The following AMPD3 variants were observed in gnomAD, a reference collection of about 807,000 sequenced individuals.
AMPD3 encodes adenosine monophosphate deaminase 3, also known as AMP deaminase 3.
A neutral mutation model predicts 82.3 loss-of-function variants in AMPD3; 57 were observed. That is an observed-to-expected ratio of 0.69 (90% CI 0.56 to 0.86). The LOEUF is 0.86. Ranked by LOEUF, AMPD3 falls within the 40% of genes least tolerant of loss-of-function variation. The pLI is 0.00. For synonymous variants in AMPD3, 381 were observed against 394.7 expected (o/e 0.97, Z 0.41); for missense variants, 870 against 1,003.8 (o/e 0.87, Z 1.80).
chr11:10,476,937 G>T, intron 2 of AMPD3: 1 of 985,340 alleles, frequency 1.0e-6, no homozygotes, highest in Non-Finnish European at 1.2e-6. Context: ...AGGACCAGGG[G>T]CAAGGGGAAG....
intron 12 of AMPD3, chr11:10,502,496 C>T (rs1464822430): frequency 1.0e-6 from 1 of 985,424 alleles, no homozygotes; most frequent in Non-Finnish European, 1.2e-6. Context: ...TGGGTAGAGG[C>T]ACCAGGGAGG....
chr11:10,496,448 C>G (rs1045533956), intron 9 of AMPD3: 6 of 985,176 alleles, frequency 6.1e-6, no homozygotes, highest in African/African-American at 1.7e-5. Context: ...CCAGGATGGG[C>G]TGGGGTATGT....
chr11:10,496,686 C>T, intron 9 of AMPD3, 126 bp from the exon 10 acceptor site: 1 of 1,530,460 alleles, frequency 6.5e-7, no homozygotes, highest in Non-Finnish European at 8.9e-7. Flanking sequence ...TTTTCTGGTC[C>T]CATCTGACTT....
At chr11:10,487,142 C>T in intron 5 of AMPD3, 93 bp from the exon 6 acceptor site, 4 of 1,598,160 alleles carry the variant, frequency 2.5e-6, no homozygotes, top group Non-Finnish European at 3.4e-6. Flanking sequence ...CTGACCCTTC[C>T]AGCCAGGGTT....
At chr11:10,486,538 TC>T (rs1335527920) in intron 5 of AMPD3, 3 of 984,106 alleles carry the variant, frequency 3.0e-6, no homozygotes, top group Non-Finnish European at 3.6e-6. Flanking sequence ...TTGGTGGGAA[TC>T]TGGGGGCATC....
chr11:10,500,059 C>T lies in AMPD3; in HGVS notation c.1558-27C>T, dbSNP rs554462412. ...GGCTGAGTCCTGGTCCTGCCTTGGC[C>T]TGGTGCTCAGGACCTCTCCTGCCCA... On this transcript the variant is annotated intron_variant, in intron 10 of 14. Coordinates refer to ENST00000396553, the MANE Select transcript of AMPD3 (RefSeq NM_001025389.2). The T allele has an allele frequency of 1.5e-5, 25 of 1,614,138 alleles. No homozygotes were observed. In the South Asian group the frequency reaches 2.2e-4, roughly 14 times the overall value.
chr11:10,476,228 T>C (rs965532314), intron 2 of AMPD3, among the ~76,000 whole-genome samples: 1 of 152,212 alleles, frequency 6.6e-6, no homozygotes, highest in Non-Finnish European at 1.5e-5. Context: ...CTATCTGTGG[T>C]TAAACCTATC....
At chr11:10,478,414 C>G in intron 2 of AMPD3, 112 bp from the exon 3 acceptor site, 1 of 1,574,074 alleles carries the variant, frequency 6.4e-7, no homozygotes. Context: ...AGGGCCAGCA[C>G]CAGTGATTAA....
upstream of AMPD3, chr11:10,454,983 G>A (rs999908723): frequency 7.8e-5 from 20 of 254,954 alleles, no homozygotes; most frequent in Admixed American, 4.6e-4. Context: ...GCAGCAGCCC[G>A]AGGATCATGT....
At chr11:10,453,657 C>T (rs1192284039), upstream of AMPD3, among the ~76,000 whole-genome samples, 4 of 151,736 alleles carry the variant, frequency 2.6e-5, no homozygotes, top group East Asian at 7.7e-4. Flanking sequence ...GGTGCAATGT[C>T]AGCTCACTGC....
In AMPD3 at chr11:10,478,737, C is replaced by CA. The variant is rs1402299103; in HGVS notation, c.426+7_426+8insA. ...CGGAGATTACTGTGCCGGGGTAAGGCGTCTGTGAGAGTGTTGAATGTGCCT... is the reference window on the plus strand; with the variant it reads ...CGGAGATTACTGTGCCGGGGTAAGGCAGTCTGTGAGAGTGTTGAATGTGCCT... On this transcript the variant is annotated splice_region_variant and intron_variant, in intron 3 of 14. Transcript: ENST00000396553. 1 of 1,609,914 alleles carries CA rather than the reference C, an allele frequency of 6.2e-7. No individual in the cohort carries two copies. The highest frequency in any genetic ancestry group is 1.3e-5 in the African/African-American group (1 of 74,918).
rs1159507967 is a variant in AMPD3, at chr11:10,456,421, GC to G, written c.-6+974del. 1.2e-6 allele frequency: 2 copies of G among 1,613,672 alleles called. No homozygotes were observed. The highest frequency in any genetic ancestry group is 2.7e-5 in the African/African-American group (2 of 74,928). On this transcript the variant is annotated intron_variant, in intron 1 of 14. Transcript: ENST00000396553. This position sits in a 1 kb window ranked among gnomAD's most constrained non-coding sequence, Gnocchi z 4.3. ...GGCTCAGGTCTGTGTCGGGGCTTCT[GC>G]AAGGGGAGTCTGGCAAGAGTAGGAA...
intron 2 of AMPD3, chr11:10,476,874 G>A: frequency 1.0e-6 from 1 of 976,690 alleles, no homozygotes; most frequent in Non-Finnish European, 1.2e-6. Flanking sequence ...TGAGGCTGGG[G>A]GCTCCCAGGG....
chr11:10,463,776 C>T (rs1057265567), intron 2 of AMPD3, among the ~76,000 whole-genome samples: 1 of 152,226 alleles, frequency 6.6e-6, no homozygotes, highest in Non-Finnish European at 1.5e-5. Context: ...CTGCAAACTT[C>T]TCTCCAAAAA....
intron 7 of AMPD3, among the ~76,000 whole-genome samples, chr11:10,494,209 A>G (rs1849323525): frequency 6.6e-6 from 1 of 152,248 alleles, no homozygotes; most frequent in Admixed American, 6.5e-5. Flanking sequence ...AAAAGATTAT[A>G]CTAAATCGAA....
chr11:10,482,408 C>G (rs908992567), intron 4 of AMPD3, among the ~76,000 whole-genome samples, 183 bp downstream of exon 4: 3 of 152,222 alleles, frequency 2.0e-5, no homozygotes, highest in Non-Finnish European at 2.9e-5. Flanking sequence ...GTACTGTATG[C>G]CTAGCCTGTG....
chr11:10,498,644 C>G (rs777146612), intron 10 of AMPD3, among the ~76,000 whole-genome samples: 1 of 152,216 alleles, frequency 6.6e-6, no homozygotes, highest in African/African-American at 2.4e-5. Context: ...CTCTGTGACA[C>G]GGAAGATTCT....
chr11:10,493,878 T>A (rs1849313839), intron 7 of AMPD3, among the ~76,000 whole-genome samples: 1 of 152,202 alleles, frequency 6.6e-6, no homozygotes. Flanking sequence ...CTTAAAAAAA[T>A]ATTAAAACAC....
At chr11:10,487,058 G>A (rs952150507) in intron 5 of AMPD3, 177 bp from the exon 6 acceptor site, 1 of 971,528 alleles carries the variant, frequency 1.0e-6, no homozygotes, top group African/African-American at 1.8e-5. Context: ...ACTTTATAGA[G>A]TCTGTGGATA....
Sources: allele counts gnomAD v4.1 joint callset (sites outside exome capture counted in the v4.1 genomes callset), GRCh38; gene constraint gnomAD v4.1.1; non-coding constraint Gnocchi (gnomAD v3.1); transcripts MANE v1.5; gene names NCBI Gene and HGNC (gene_info 2026-07-23, HGNC 2026-07-21).